The following ROCK1 variants were observed in gnomAD, a reference collection of about 807,000 sequenced individuals.
The protein encoded by ROCK1 is Rho associated coiled-coil containing protein kinase 1, also known as rho-associated protein kinase 1.
Under a neutral mutation model 196.8 loss-of-function variants are expected in ROCK1, and 36 were observed. That is an observed-to-expected ratio of 0.18 (90% CI 0.14 to 0.24). The LOEUF (loss-of-function observed/expected upper bound fraction) is 0.24, where lower values mean the gene tolerates loss of function less well. ROCK1 is among the 10% of genes least tolerant of loss of function. ROCK1 has a pLI of 1.00. For missense variants in ROCK1, 920 were observed against 1,562.0 expected (o/e 0.59, Z 6.93); for synonymous variants, 443 against 515.9 (o/e 0.86, Z 1.91).
At chr18:21,006,027 A>G (rs2035765523) in intron 16 of ROCK1, among the ~76,000 whole-genome samples, 1 of 152,230 alleles carries the variant, frequency 6.6e-6, no homozygotes, top group Admixed American at 6.5e-5. Flanking sequence ...TTAACAATTA[A>G]AAATAAAAAT....
chr18:20,997,190 A>C (rs1040733946), intron 16 of ROCK1, among the ~76,000 whole-genome samples: 2 of 152,204 alleles, frequency 1.3e-5, no homozygotes, highest in Non-Finnish European at 2.9e-5. Context: ...AAATAAAAAA[A>C]CAAAAAAACA....
intron 31 of ROCK1, 102 bp from the exon 32 acceptor site, chr18:20,953,887 T>C (rs2035215116): frequency 1.8e-6 from 1 of 557,546 alleles, no homozygotes; most frequent in Non-Finnish European, 3.1e-6. Context: ...GTTTTAAAAG[T>C]TTTAATATGC....
intron 2 of ROCK1, among the ~76,000 whole-genome samples, chr18:21,066,900 C>T (rs1391610709): frequency 3.3e-5 from 5 of 152,176 alleles, no homozygotes; most frequent in Non-Finnish European, 4.4e-5. Flanking sequence ...TAATACAGCT[C>T]TTTGTGCAGA....
At chr18:21,055,336 C>T (rs1023059799) in intron 2 of ROCK1, among the ~76,000 whole-genome samples, 2 of 151,896 alleles carry the variant, frequency 1.3e-5, no homozygotes, top group African/African-American at 2.4e-5. Context: ...CTCCTAGAGA[C>T]GTATTTCAAG....
chr18:21,082,377 C>A (rs1312818910), intron 1 of ROCK1, among the ~76,000 whole-genome samples: 1 of 152,046 alleles, frequency 6.6e-6, no homozygotes, highest in Non-Finnish European at 1.5e-5. Context: ...AAATATCACA[C>A]AAAAATTACA....
rs779232123 is a variant in ROCK1, at chr18:20,951,381, T to C, written c.*3A>G. Reference sequence around the variant, plus strand: ...CGATTCCACAGGGCACTCAGTCACATGGTTAACTGTTGAGGGAGGGGGAAA... The same window carrying C: ...CGATTCCACAGGGCACTCAGTCACACGGTTAACTGTTGAGGGAGGGGGAAA... On this transcript the variant is annotated 3_prime_UTR_variant, in exon 33 of 33. Coordinates refer to ENST00000399799, the MANE Select transcript of ROCK1 (RefSeq NM_005406.3). 12 of 1,598,112 alleles carry C rather than the reference T, an allele frequency of 7.5e-6. No individual in the cohort carries two copies. In the East Asian group the frequency reaches 2.5e-4, roughly 33 times the overall value.
chr18:20,992,039 CA>C (rs774712834), intron 17 of ROCK1, among the ~76,000 whole-genome samples: 1 of 152,014 alleles, frequency 6.6e-6, no homozygotes, highest in African/African-American at 2.4e-5. Flanking sequence ...AAAAAACAAA[CA>C]AAAAAACCCC....
At chr18:21,085,048 A>T (rs2036514612) in intron 1 of ROCK1, among the ~76,000 whole-genome samples, 1 of 152,248 alleles carries the variant, frequency 6.6e-6, no homozygotes, top group Admixed American at 6.5e-5. Flanking sequence ...AGAAATGGCA[A>T]ATTTACAGAA....
At chr18:21,023,545 A>G in intron 11 of ROCK1, 75 bp downstream of exon 11, 3 of 748,868 alleles carry the variant, frequency 4.0e-6, no homozygotes, top group Non-Finnish European at 6.3e-6. Flanking sequence ...ATATAAATTT[A>G]CTATCATACC....
intron 22 of ROCK1, among the ~76,000 whole-genome samples, chr18:20,972,922 C>A (rs1005397706): frequency 2.6e-5 from 4 of 152,218 alleles, no homozygotes; most frequent in African/African-American, 9.6e-5. Context: ...TCTTGTTGCC[C>A]AGGCTGGAGC....
At chr18:21,045,736 A>AT (rs1197289729) in intron 4 of ROCK1, among the ~76,000 whole-genome samples, 4 of 152,004 alleles carry the variant, frequency 2.6e-5, no homozygotes, top group Non-Finnish European at 5.9e-5. Flanking sequence ...TTTACTGAGA[A>AT]TTTTTTTAAA....
intron 27 of ROCK1, among the ~76,000 whole-genome samples, chr18:20,961,173 T>C (rs1157112318): frequency 2.0e-5 from 3 of 152,168 alleles, no homozygotes; most frequent in Non-Finnish European, 2.9e-5. Flanking sequence ...ATTTTCCGTA[T>C]CTACCTTATA....
intron 16 of ROCK1, among the ~76,000 whole-genome samples, chr18:21,000,770 C>T (rs548711103): frequency 3.3e-5 from 5 of 152,240 alleles, no homozygotes; most frequent in African/African-American, 9.6e-5. Flanking sequence ...CAAGTGTTGG[C>T]AGGGATATGG....
rs538446688 is a variant in ROCK1, at chr18:21,051,384, G to A, written c.176-1504C>T. Among the ~76,000 whole-genome samples, 10 of 152,284 alleles carry A rather than the reference G, an allele frequency of 6.6e-5. No homozygotes were observed. In the South Asian group the frequency reaches 8.3e-4, roughly 13 times the overall value. On this transcript the variant is annotated intron_variant, in intron 2 of 32. Transcript: ENST00000399799. ...TGGGAGGATCACCTAAGCCCAGGAC[G>A]TGAAGGTTGCAGTGAGCCAAGATCA...
intron 18 of ROCK1, among the ~76,000 whole-genome samples, chr18:20,988,346 G>A (rs540863901): frequency 1.6e-4 from 25 of 152,022 alleles, no homozygotes; most frequent in Non-Finnish European, 1.8e-4. Flanking sequence ...AGCATTACAG[G>A]TGTGGGTCCC....
chr18:21,091,271 T>G (rs1275903947), intron 1 of ROCK1, among the ~76,000 whole-genome samples: 1 of 152,186 alleles, frequency 6.6e-6, no homozygotes, highest in African/African-American at 2.4e-5. Context: ...CCTAATATTT[T>G]CTTTTCTCTA....
At position 21,044,317 on chromosome 18, in the gene ROCK1, T is replaced by C. The variant is rs2036136536; in HGVS notation, c.591-131A>G. The C allele has an allele frequency of 1.5e-5, 7 of 472,396 alleles. 1 individual carries two copies. The South Asian group carries it at 3.6e-4, about 24-fold the overall frequency. The allele number at this position is 472,396 out of a possible 1,614,324, so 29.3% of individuals were successfully genotyped here. ...CCATCTTTGATCTGTATGTGTTCTCTATCCACATCTATAAATTAAATTTCA... is the reference window on the plus strand; with the variant it reads ...CCATCTTTGATCTGTATGTGTTCTCCATCCACATCTATAAATTAAATTTCA... On this transcript the variant is annotated intron_variant, in intron 5 of 32. Coordinates refer to ENST00000399799, the MANE Select transcript of ROCK1 (RefSeq NM_005406.3).
At chr18:20,992,468 T>C (rs1193256850) in intron 17 of ROCK1, among the ~76,000 whole-genome samples, 1 of 152,222 alleles carries the variant, frequency 6.6e-6, no homozygotes, top group Non-Finnish European at 1.5e-5. Context: ...ACTCATCATC[T>C]ACCACGTACT....
chr18:21,088,938 G>A (rs111951665), intron 1 of ROCK1, among the ~76,000 whole-genome samples: 8 of 151,824 alleles, frequency 5.3e-5, no homozygotes, highest in African/African-American at 1.9e-4. Context: ...ACAAATTTCC[G>A]TTCTTTATAA....
Sources: gnomAD v4.1 joint callset for allele counts (sites outside exome capture counted in the v4.1 genomes callset) on GRCh38, gnomAD v4.1.1 for gene constraint, MANE v1.5 for transcripts, NCBI Gene and HGNC (gene_info 2026-07-23, HGNC 2026-07-21) for gene names.